GPHN: variants seen among roughly 807,000 people sequenced by gnomAD.
The protein encoded by GPHN is gephyrin.
A neutral mutation model predicts 95.5 loss-of-function variants in GPHN; 17 were observed. That is an observed-to-expected ratio of 0.18 (90% CI 0.12 to 0.27). The LOEUF is 0.27. Ranked by LOEUF, GPHN falls within the 10% of genes least tolerant of loss-of-function variation. The probability of loss-of-function intolerance (pLI) is 1.00; values close to 1 mark genes in which losing one functional copy is unlikely to be tolerated. For synonymous variants in GPHN, 320 were observed against 322.5 expected, an observed-to-expected ratio of 0.99 and a Z score of 0.08; for missense variants, 660 against 978.1, an observed-to-expected ratio of 0.67 and a Z score of 4.34.
At chr14:67,606,329 G>A in the GPHN span, among the ~76,000 whole-genome samples, 1 of 152,274 alleles carries the variant, frequency 6.6e-6, no homozygotes, top group Middle Eastern at 3.4e-3. Context: ...CTTAAGTCTA[G>A]GAACACACCT....
the GPHN span, among the ~76,000 whole-genome samples, chr14:67,723,609 T>A: frequency 1.3e-5 from 2 of 152,200 alleles, no homozygotes; most frequent in African/African-American, 2.4e-5. Flanking sequence ...TCCATAGAGA[T>A]CTGGGTTCAA....
At chr14:66,845,855 GTGT>G (rs1567012827) in intron 4 of GPHN, among the ~76,000 whole-genome samples, 1 of 147,654 alleles carries the variant, frequency 6.8e-6, no homozygotes, top group Non-Finnish European at 1.5e-5. Flanking sequence ...GTGTGTGTGT[GTGT>G]GTCTGTGTGC....
the GPHN span, among the ~76,000 whole-genome samples, chr14:67,549,316 G>T: frequency 6.6e-6 from 1 of 151,578 alleles, no homozygotes; most frequent in South Asian, 2.1e-4. Flanking sequence ...TGTCACCTAG[G>T]CTGGAGTGCA....
At chr14:66,638,697 C>CT (rs990238698) in intron 1 of GPHN, among the ~76,000 whole-genome samples, 15 of 150,706 alleles carry the variant, frequency 1.0e-4, no homozygotes, top group Middle Eastern at 3.4e-3. Context: ...TTTTTTCAAA[C>CT]TTTTTTTTTG....
chr14:67,501,761 T>G, the GPHN span, among the ~76,000 whole-genome samples: 1 of 152,214 alleles, frequency 6.6e-6, no homozygotes, highest in Non-Finnish European at 1.5e-5. Flanking sequence ...AATTCAGAAT[T>G]CTAAAGATTT....
chr14:67,376,628 T>C, the GPHN span: 17 of 1,596,738 alleles, frequency 1.1e-5, no homozygotes, highest in Non-Finnish European at 1.4e-5. Flanking sequence ...TACCTTGATA[T>C]CACAACTCTT....
intron 13 of GPHN, among the ~76,000 whole-genome samples, chr14:67,109,220 C>T (rs1188550140): frequency 6.6e-6 from 1 of 152,158 alleles, no homozygotes; most frequent in East Asian, 1.9e-4. Context: ...TTATGCAGCA[C>T]GTGACTATAC....
chr14:67,661,271 G>A, the GPHN span, among the ~76,000 whole-genome samples: 2 of 107,046 alleles, frequency 1.9e-5, no homozygotes, highest in South Asian at 3.5e-4. Flanking sequence ...CTTCTATAGG[G>A]CTAGAGCAAA....
chr14:67,275,569 G>T, the GPHN span, among the ~76,000 whole-genome samples: 1 of 152,150 alleles, frequency 6.6e-6, no homozygotes, highest in African/African-American at 2.4e-5. Flanking sequence ...AGGGCTTTTG[G>T]TCTAAAATTC....
intron 8 of GPHN, among the ~76,000 whole-genome samples, chr14:66,927,073 G>A (rs139821927): frequency 2.4e-4 from 36 of 152,044 alleles, no homozygotes; most frequent in African/African-American, 8.7e-4. Context: ...CTGCTAATTG[G>A]CCAGGCGTGG....
chr14:67,510,793 A>C, the GPHN span, among the ~76,000 whole-genome samples: 1 of 152,184 alleles, frequency 6.6e-6, no homozygotes, highest in Non-Finnish European at 1.5e-5. Flanking sequence ...GCAATGAAAA[A>C]GGAGATGGGG....
At chr14:67,287,754 T>G in the GPHN span, among the ~76,000 whole-genome samples, 2 of 152,252 alleles carry the variant, frequency 1.3e-5, no homozygotes, top group African/African-American at 4.8e-5. Flanking sequence ...CAGTGTCATC[T>G]ATACGGTTAG....
rs937401198 is a variant in GPHN at position 66,664,989 on chromosome 14, CAAAAAA to C, written c.65-16101_65-16096del. 1.5e-4 allele frequency among the ~76,000 whole-genome samples: 8 copies of C among 54,906 alleles called. No individual in the cohort carries two copies. In the East Asian group the frequency reaches 3.5e-3, roughly 24 times the overall value. The allele number at this position is 54,906 out of a possible 152,430, so 36.0% of individuals were successfully genotyped here. On this transcript the variant is annotated intron_variant, in intron 1 of 22. Coordinates refer to ENST00000478722, the MANE Select transcript of GPHN (RefSeq NM_020806.5). ...AGGCAGCAATAAATAGCCTACCAACCAAAAAAAAAAAAAAAAAAAAAAGCCCAGGAC... is the reference window on the plus strand; with the variant it reads ...AGGCAGCAATAAATAGCCTACCAACCAAAAAAAAAAAAAAAAGCCCAGGAC...
intron 5 of GPHN, among the ~76,000 whole-genome samples, chr14:66,907,119 C>T (rs2065422314): frequency 1.3e-5 from 2 of 152,126 alleles, no homozygotes; most frequent in South Asian, 4.1e-4. Context: ...ACACAAAAAT[C>T]CACATGCAAA....
At chr14:66,642,529 C>T (rs887503254) in intron 1 of GPHN, among the ~76,000 whole-genome samples, 10 of 150,498 alleles carry the variant, frequency 6.6e-5, no homozygotes, top group East Asian at 2.0e-4. Context: ...CTTAAGAGTA[C>T]GAGCTCAGCA....
At chr14:67,330,287 C>A in the GPHN span, among the ~76,000 whole-genome samples, 17 of 151,410 alleles carry the variant, frequency 1.1e-4, no homozygotes, top group Non-Finnish European at 1.8e-4. Flanking sequence ...ATAATTTGCA[C>A]TTGCTTTAGT....
intron 1 of GPHN, among the ~76,000 whole-genome samples, chr14:66,673,934 A>C (rs1211995049): frequency 6.6e-6 from 1 of 152,182 alleles, no homozygotes; most frequent in Non-Finnish European, 1.5e-5. Flanking sequence ...GTGTAATTAT[A>C]AAATCAGGGT....
the GPHN span, among the ~76,000 whole-genome samples, chr14:67,350,066 T>A: frequency 2.0e-5 from 3 of 152,386 alleles, no homozygotes; most frequent in Admixed American, 6.5e-5. Context: ...TTTGGAGAAT[T>A]ACATAACATA....
chr14:67,496,145 T>C, the GPHN span, among the ~76,000 whole-genome samples: 3 of 152,244 alleles, frequency 2.0e-5, no homozygotes, highest in Admixed American at 1.3e-4. Context: ...GCTGAGATGG[T>C]GCCACTGTAC....
Sources: gnomAD v4.1 joint callset for allele counts (sites outside exome capture counted in the v4.1 genomes callset) on GRCh38, gnomAD v4.1.1 for gene constraint, MANE v1.5 for transcripts, NCBI Gene and HGNC (gene_info 2026-07-23, HGNC 2026-07-21) for gene names.